PDE1A: variants seen among roughly 807,000 people sequenced by gnomAD.
PDE1A encodes dual specificity calcium/calmodulin-dependent 3',5'-cyclic nucleotide phosphodiesterase 1A.
PDE1A carries 35 observed loss-of-function variants against 61.7 expected under a neutral mutation model. That is an observed-to-expected ratio of 0.57 (90% CI 0.43 to 0.75). The LOEUF is 0.75. Ranked by LOEUF, PDE1A falls within the 30% of genes least tolerant of loss-of-function variation. PDE1A has a pLI of 0.00. For missense variants in PDE1A, 597 were observed against 630.6 expected (o/e 0.95, Z 0.57); for synonymous variants, 232 against 213.2 (o/e 1.09, Z -0.77).
chr2:182,385,695 A>T (rs1394703018), intron 1 of PDE1A, among the ~76,000 whole-genome samples: 2 of 149,822 alleles, frequency 1.3e-5, no homozygotes, highest in South Asian at 4.3e-4. Flanking sequence ...AAGAAAGAAA[A>T]AAGAAAGAGC....
the PDE1A span, among the ~76,000 whole-genome samples, chr2:182,684,949 T>A: frequency 1.3e-5 from 2 of 151,766 alleles, no homozygotes; most frequent in African/African-American, 4.8e-5. Flanking sequence ...AAGGGAGGGG[T>A]AGATTCAGAG....
Position 182,263,512 on chromosome 2 carries a change from A to C in PDE1A, c.167+789T>G, listed in dbSNP as rs79425364. On this transcript the variant is annotated intron_variant, in intron 2 of 13. Transcript: ENST00000351439. ...TCTACCTGCTTTATGGCTGTGAAAA[A>C]AATTAGCACCTTTTCCATGTCAAAT... 6.8e-3 allele frequency among the ~76,000 whole-genome samples: 1,034 copies of C among 152,222 alleles called. 9 individuals are homozygous for C. The highest frequency in any genetic ancestry group is 0.023 in the African/African-American group (959 of 41,516).
chr2:182,262,019 ACAT>A (rs1347246743), intron 2 of PDE1A, among the ~76,000 whole-genome samples: 3 of 152,144 alleles, frequency 2.0e-5, no homozygotes, highest in Non-Finnish European at 4.4e-5. Flanking sequence ...CAAGGGAAAA[ACAT>A]CAGATATTTT....
chr2:182,444,257 T>A (rs1226756555), intron 2 of PDE1A, among the ~76,000 whole-genome samples: 1 of 152,174 alleles, frequency 6.6e-6, no homozygotes, highest in African/African-American at 2.4e-5. Flanking sequence ...TCTGGCTTCA[T>A]GTTTAACCCT....
the PDE1A span, among the ~76,000 whole-genome samples, chr2:182,629,758 A>C: frequency 6.6e-6 from 1 of 152,232 alleles, no homozygotes; most frequent in African/African-American, 2.4e-5. Context: ...TAAGGGTGAC[A>C]GTGCTAGATC....
chr2:182,381,826 A>G (rs934316369), intron 1 of PDE1A, among the ~76,000 whole-genome samples: 3 of 151,690 alleles, frequency 2.0e-5, no homozygotes, highest in African/African-American at 7.2e-5. Context: ...TAATAATAAT[A>G]ATAATAATAA....
the PDE1A span, among the ~76,000 whole-genome samples, chr2:182,624,399 T>C: frequency 6.6e-6 from 1 of 152,164 alleles, no homozygotes; most frequent in Non-Finnish European, 1.5e-5. Context: ...GATGCTCACA[T>C]ACCAGTGGAT....
At chr2:182,464,901 G>A (rs891491623) in intron 2 of PDE1A, among the ~76,000 whole-genome samples, 7 of 152,018 alleles carry the variant, frequency 4.6e-5, no homozygotes, top group African/African-American at 1.2e-4. Flanking sequence ...TATGCCTCAC[G>A]CTAAGCAGAA....
chr2:182,620,876 G>A, the PDE1A span, among the ~76,000 whole-genome samples: 2 of 152,070 alleles, frequency 1.3e-5, no homozygotes, highest in Admixed American at 1.3e-4. Context: ...GAGGATTAAG[G>A]AGAACACATT....
chr2:182,148,752 T>A (rs1690626007), intron 13 of PDE1A, among the ~76,000 whole-genome samples: 1 of 152,184 alleles, frequency 6.6e-6, no homozygotes, highest in African/African-American at 2.4e-5. Flanking sequence ...ACTCTTTAGA[T>A]CTCTCAGGTA....
chr2:182,389,363 G>A (rs948629289), intron 1 of PDE1A, among the ~76,000 whole-genome samples: 1 of 152,036 alleles, frequency 6.6e-6, no homozygotes, highest in African/African-American at 2.4e-5. Context: ...AATATATGAG[G>A]TTGTGTATAT....
the PDE1A span, among the ~76,000 whole-genome samples, chr2:182,607,254 G>C: frequency 6.6e-6 from 1 of 152,086 alleles, no homozygotes; most frequent in Non-Finnish European, 1.5e-5. Context: ...TAAGATAATT[G>C]TAACTTTCTC....
At chr2:182,155,952 G>A (rs1432381892) in intron 13 of PDE1A, among the ~76,000 whole-genome samples, 2 of 151,982 alleles carry the variant, frequency 1.3e-5, no homozygotes, top group Non-Finnish European at 2.9e-5. Context: ...TTGAATCATG[G>A]TTGCAGTTTC....
chr2:182,364,281 C>A (rs1465041852), intron 1 of PDE1A, among the ~76,000 whole-genome samples: 3 of 151,644 alleles, frequency 2.0e-5, no homozygotes, highest in Non-Finnish European at 4.4e-5. Flanking sequence ...TCAGGTAGAG[C>A]AGTCCTTCCC....
At chr2:182,592,640 A>G in the PDE1A span, among the ~76,000 whole-genome samples, 2 of 152,216 alleles carry the variant, frequency 1.3e-5, no homozygotes, top group African/African-American at 4.8e-5. Context: ...AAAATACAGG[A>G]AAAAAAATAA....
chr2:182,154,489 C>T (rs115485050), intron 13 of PDE1A, among the ~76,000 whole-genome samples: 3 of 152,144 alleles, frequency 2.0e-5, no homozygotes, highest in Non-Finnish European at 2.9e-5. Context: ...ATAATCCCCA[C>T]GTGTGAAGGG....
chr2:182,597,158 TAA>T, the PDE1A span, among the ~76,000 whole-genome samples: 8 of 147,118 alleles, frequency 5.4e-5, no homozygotes, highest in African/African-American at 1.5e-4. Flanking sequence ...TCTCAAAAAT[TAA>T]AAAAAAAAAA....
intron 1 of PDE1A, among the ~76,000 whole-genome samples, chr2:182,417,475 G>C (rs955017290): frequency 1.3e-5 from 2 of 152,138 alleles, no homozygotes; most frequent in African/African-American, 4.8e-5. Context: ...GTGAGTGCAA[G>C]ACACAGCCAA....
At chr2:182,459,853 A>G (rs1387172519) in intron 2 of PDE1A, among the ~76,000 whole-genome samples, 1 of 152,190 alleles carries the variant, frequency 6.6e-6, no homozygotes, top group Non-Finnish European at 1.5e-5. Context: ...GATTCTAGAG[A>G]ATAGTAATCT....
Sources: allele counts gnomAD v4.1 joint callset (sites outside exome capture counted in the v4.1 genomes callset), GRCh38; gene constraint gnomAD v4.1.1; transcripts MANE v1.5; gene names NCBI Gene and HGNC (gene_info 2026-07-23, HGNC 2026-07-21).